CTNNA3: variants seen among roughly 807,000 people sequenced by gnomAD.
The protein encoded by CTNNA3 is catenin alpha 3, also known as catenin alpha-3.
Under a neutral mutation model 95.7 loss-of-function variants are expected in CTNNA3, and 76 were observed. The observed-to-expected ratio is 0.79, with a 90% confidence interval of 0.66 to 0.96. CTNNA3 has a LOEUF of 0.96. Among genes scored for constraint, CTNNA3 ranks in the 40% least tolerant of loss-of-function variants. CTNNA3 has a pLI of 0.00. For synonymous variants in CTNNA3, 431 were observed against 374.4 expected, an observed-to-expected ratio of 1.15 and a Z score of -1.74; for missense variants, 1,191 against 1,089.8, an observed-to-expected ratio of 1.09 and a Z score of -1.31.
intron 12 of CTNNA3, among the ~76,000 whole-genome samples, chr10:66,323,199 CA>C (rs1222145284): frequency 6.6e-6 from 1 of 152,038 alleles, no homozygotes; most frequent in East Asian, 1.9e-4. Context: ...GAACAAAATA[CA>C]AATTAATGTC....
intron 10 of CTNNA3, among the ~76,000 whole-genome samples, chr10:66,543,345 C>T (rs548812421): frequency 2.6e-5 from 4 of 152,114 alleles, no homozygotes; most frequent in Non-Finnish European, 5.9e-5. Context: ...CCACCTCAGC[C>T]TCCCAAAGTG....
intron 5 of CTNNA3, among the ~76,000 whole-genome samples, chr10:67,395,363 A>G (rs1477098820): frequency 6.6e-6 from 1 of 152,184 alleles, no homozygotes; most frequent in East Asian, 1.9e-4. Flanking sequence ...GCCATTTATA[A>G]TCATTTTCTC....
At chr10:67,378,034 A>G (rs9414960) in intron 5 of CTNNA3, among the ~76,000 whole-genome samples, 110,515 of 152,036 alleles carry the variant, frequency 0.73, 43,757 homozygotes, top group Non-Finnish European at 0.88. Flanking sequence ...CGCATGCCAC[A>G]AAACAAGGCT....
chr10:66,734,130 C>T (rs1849053324), intron 9 of CTNNA3, among the ~76,000 whole-genome samples: 1 of 147,538 alleles, frequency 6.8e-6, no homozygotes, highest in Non-Finnish European at 1.5e-5. Context: ...CTCAAAGCTC[C>T]ACATAATTCT....
chr10:66,171,242 CA>C (rs1472004167), intron 13 of CTNNA3, among the ~76,000 whole-genome samples: 2 of 150,826 alleles, frequency 1.3e-5, no homozygotes, highest in South Asian at 2.1e-4. Context: ...AAAAAGCAAA[CA>C]AAAAACTAAC....
intron 11 of CTNNA3, among the ~76,000 whole-genome samples, chr10:66,410,246 G>A (rs1002178082): frequency 2.6e-5 from 4 of 152,148 alleles, no homozygotes; most frequent in African/African-American, 9.7e-5. Flanking sequence ...AACTTTGGTA[G>A]AATAATTATC....
At chr10:67,017,899 A>G (rs1417575650) in intron 7 of CTNNA3, among the ~76,000 whole-genome samples, 2 of 151,962 alleles carry the variant, frequency 1.3e-5, no homozygotes, top group African/African-American at 4.8e-5. Context: ...CCTCCCAAGT[A>G]GCCGGGACTA....
chr10:67,052,313 A>ACTCTCTCTCTCTCACTCT, intron 7 of CTNNA3, among the ~76,000 whole-genome samples: 1 of 121,122 alleles, frequency 8.3e-6, no homozygotes, highest in East Asian at 2.3e-4. Context: ...CCCACTCATC[A>ACTCTCTCTCTCTCACTCT]CTCTCTCTCT....
At chr10:65,999,823 G>A (rs933664767) in intron 15 of CTNNA3, among the ~76,000 whole-genome samples, 3 of 151,618 alleles carry the variant, frequency 2.0e-5, no homozygotes, top group Admixed American at 2.0e-4. Context: ...TATTGCATTG[G>A]ATCCTACAGA....
intron 10 of CTNNA3, among the ~76,000 whole-genome samples, chr10:66,621,425 A>G (rs1844742420): frequency 6.6e-6 from 1 of 151,876 alleles, no homozygotes; most frequent in Non-Finnish European, 1.5e-5. Flanking sequence ...GGAGTTCGAG[A>G]CCAGCCTGGC....
intron 9 of CTNNA3, among the ~76,000 whole-genome samples, chr10:66,721,933 T>G (rs1201634028): frequency 6.6e-6 from 1 of 152,144 alleles, no homozygotes; most frequent in Non-Finnish European, 1.5e-5. Context: ...GATATTCTAC[T>G]CCAAACTCAA....
At chr10:65,953,710 C>T (rs1470672678) in intron 17 of CTNNA3, among the ~76,000 whole-genome samples, 6 of 152,078 alleles carry the variant, frequency 3.9e-5, no homozygotes, top group South Asian at 2.1e-4. Context: ...ACAAAGGTCA[C>T]GAACTCATCC....
intron 9 of CTNNA3, among the ~76,000 whole-genome samples, chr10:66,758,412 T>C (rs554217483): frequency 1.2e-4 from 18 of 152,276 alleles, no homozygotes; most frequent in African/African-American, 4.3e-4. Context: ...CTCATTATGC[T>C]TGTGTTTAAT....
chr10:67,304,100 T>C (rs1840441184), intron 5 of CTNNA3, among the ~76,000 whole-genome samples: 1 of 152,206 alleles, frequency 6.6e-6, no homozygotes. Flanking sequence ...CCTTGATGCT[T>C]GAGATGTAAA....
At chr10:67,010,897 T>C (rs985958500) in intron 7 of CTNNA3, among the ~76,000 whole-genome samples, 2 of 152,194 alleles carry the variant, frequency 1.3e-5, no homozygotes, top group Non-Finnish European at 2.9e-5. Context: ...CATTATTTCT[T>C]CTAAACCTAA....
rs1375896412 is a variant in CTNNA3, at chr10:67,620,953, A to ATATATATG, written c.100-13905_100-13904insCATATATA. 7.5e-4 allele frequency among the ~76,000 whole-genome samples: 110 copies of ATATATATG among 146,682 alleles called. 3 individuals carry two copies. Among genetic ancestry groups the ATATATATG allele is most frequent in the Non-Finnish European group, 1.4e-3 (95 of 66,738 alleles). On this transcript the variant is annotated intron_variant, in intron 2 of 17. Transcript: ENST00000433211. ...TATATATATATATATATATATATAC[A>ATATATATG]GAAATGTGGATATCTATGTATTCAA... is the stretch of plus-strand genomic sequence containing the variant.
intron 4 of CTNNA3, among the ~76,000 whole-genome samples, chr10:67,528,632 C>T (rs1295264079): frequency 6.6e-6 from 1 of 152,182 alleles, no homozygotes. Flanking sequence ...CTCCATAACA[C>T]TTTGTACCAA....
intron 13 of CTNNA3, among the ~76,000 whole-genome samples, chr10:66,277,643 G>T (rs759432507): frequency 1.3e-5 from 2 of 152,034 alleles, no homozygotes; most frequent in Non-Finnish European, 2.9e-5. Flanking sequence ...TAAGTTTATG[G>T]ATCATTTTCC....
intron 11 of CTNNA3, among the ~76,000 whole-genome samples, chr10:66,474,000 G>A (rs577104310): frequency 1.7e-4 from 26 of 152,234 alleles, no homozygotes; most frequent in Non-Finnish European, 3.5e-4. Flanking sequence ...CTTTATAGCA[G>A]CATGATTTAT....
Sources: allele counts gnomAD v4.1 joint callset (sites outside exome capture counted in the v4.1 genomes callset), GRCh38; gene constraint gnomAD v4.1.1; transcripts MANE v1.5; gene names NCBI Gene and HGNC (gene_info 2026-07-23, HGNC 2026-07-21).